Variants in RASEF observed in about 807,000 individuals in gnomAD.
RASEF encodes RAS and EF-hand domain containing.
RASEF carries 68 observed loss-of-function variants against 90.1 expected under a neutral mutation model. The observed-to-expected ratio is 0.75, with a 90% CI of 0.62 to 0.92. RASEF has a LOEUF of 0.92. Ranked by LOEUF, RASEF falls within the 40% of genes least tolerant of loss-of-function variation. The pLI is 0.00. For missense variants in RASEF, 949 were observed against 937.2 expected (o/e 1.01, Z -0.16); for synonymous variants, 331 against 345.2 (o/e 0.96, Z 0.46).
At chr9:82,997,966 T>C (rs1354264284) in intron 13 of RASEF, among the ~76,000 whole-genome samples, 1 of 152,208 alleles carries the variant, frequency 6.6e-6, no homozygotes, top group African/African-American at 2.4e-5. Context: ...AATGCAAGTC[T>C]GCTATGCGGT....
chr9:83,010,771 C>G (rs1391241341), intron 5 of RASEF, among the ~76,000 whole-genome samples: 1 of 152,100 alleles, frequency 6.6e-6, no homozygotes, highest in Non-Finnish European at 1.5e-5. Flanking sequence ...TAACTGGGGT[C>G]CCCTGCCAGC....
chr9:83,119,544 A>G, the RASEF span, among the ~76,000 whole-genome samples: 1 of 152,220 alleles, frequency 6.6e-6, no homozygotes, highest in Non-Finnish European at 1.5e-5. Flanking sequence ...CTTCCCCTCC[A>G]CATCAAGTAC....
At chr9:83,008,368 A>T (rs537036275) in intron 6 of RASEF, among the ~76,000 whole-genome samples, 1 of 151,916 alleles carries the variant, frequency 6.6e-6, no homozygotes, top group South Asian at 2.1e-4. Flanking sequence ...TTTTTTTTTT[A>T]AACTTTTGCT....
chr9:83,206,897 T>C, the RASEF span, among the ~76,000 whole-genome samples: 1 of 152,120 alleles, frequency 6.6e-6, no homozygotes. Flanking sequence ...TCCCCTCACC[T>C]TCCATGGCTG....
chr9:83,123,210 G>A, the RASEF span, among the ~76,000 whole-genome samples: 1 of 143,998 alleles, frequency 6.9e-6, no homozygotes, highest in East Asian at 2.2e-4. Flanking sequence ...TCTGCACTCT[G>A]GCCTGGGCTA....
chr9:83,017,595 CA>C (rs770160072), intron 3 of RASEF, among the ~76,000 whole-genome samples: 1 of 152,128 alleles, frequency 6.6e-6, no homozygotes, highest in Non-Finnish European at 1.5e-5. Context: ...GCTGAGAGAT[CA>C]GATAAGAGAT....
In RASEF at chr9:82,998,388, G is replaced by C; in HGVS notation, c.1782C>G (p.Leu594=). 1 of 1,613,014 alleles carries C rather than the reference G, an allele frequency of 6.2e-7. No individual in the cohort carries two copies. Among genetic ancestry groups the C allele is most frequent in the Non-Finnish European group, 8.5e-7 (1 of 1,179,028 alleles). Residue 594 remains leucine (L), a synonymous_variant, in exon 13 of 17, where the codon CTC becomes CTG. Transcript: ENST00000376447. ...GCCTCTCCTGACCAGCTGTATCCCAGAGCTGCAGAACTGTTCGTTCTCCAT... is the reference window on the plus strand; with the variant it reads ...GCCTCTCCTGACCAGCTGTATCCCACAGCTGCAGAACTGTTCGTTCTCCAT... ...IVDGERTVLQ[L]WDTAGQERFR...
the RASEF span, among the ~76,000 whole-genome samples, chr9:83,102,767 C>G: frequency 3.3e-5 from 5 of 152,270 alleles, no homozygotes; most frequent in African/African-American, 1.2e-4. Context: ...GGGGCCACCC[C>G]TTATTGTCTG....
At chr9:83,088,030 A>G in the RASEF span, among the ~76,000 whole-genome samples, 1 of 152,092 alleles carries the variant, frequency 6.6e-6, no homozygotes, top group Non-Finnish European at 1.5e-5. Context: ...TGTGTTATTT[A>G]ATTTCCACAT....
chr9:83,203,235 T>C, the RASEF span, among the ~76,000 whole-genome samples: 1 of 152,214 alleles, frequency 6.6e-6, no homozygotes, highest in African/African-American at 2.4e-5. Flanking sequence ...ACAGACTTGG[T>C]CTTGCCCTTG....
chr9:83,045,278 G>A (rs946846735), intron 1 of RASEF, among the ~76,000 whole-genome samples: 1 of 151,960 alleles, frequency 6.6e-6, no homozygotes, highest in African/African-American at 2.4e-5. Context: ...CTTTCATTGG[G>A]GCTAATCAAT....
At chr9:83,095,075 A>G in the RASEF span, among the ~76,000 whole-genome samples, 27 of 152,306 alleles carry the variant, frequency 1.8e-4, 1 homozygote, top group Non-Finnish European at 4.0e-4. Flanking sequence ...TGGTTTGAGA[A>G]TTTAAAAGGA....
chr9:83,135,758 G>A, the RASEF span, among the ~76,000 whole-genome samples: 2 of 152,090 alleles, frequency 1.3e-5, no homozygotes, highest in African/African-American at 4.8e-5. Context: ...TCTGTATGCA[G>A]GGAACCAATA....
At chr9:83,021,509 G>C (rs1392072313) in intron 3 of RASEF, among the ~76,000 whole-genome samples, 1 of 152,170 alleles carries the variant, frequency 6.6e-6, no homozygotes, top group Non-Finnish European at 1.5e-5. Context: ...ATCACTGAAG[G>C]TAACATATCA....
the RASEF span, among the ~76,000 whole-genome samples, chr9:83,217,391 A>C: frequency 6.6e-6 from 1 of 152,140 alleles, no homozygotes; most frequent in African/African-American, 2.4e-5. Context: ...ATTTGGGAGA[A>C]GCCAGGGGCA....
upstream of RASEF, among the ~76,000 whole-genome samples, chr9:83,066,343 C>T (rs796545701): frequency 9.8e-5 from 15 of 152,300 alleles, no homozygotes; most frequent in African/African-American, 3.6e-4. Context: ...TGTGACCTGC[C>T]ACTCATAAAT....
the RASEF span, among the ~76,000 whole-genome samples, chr9:83,177,000 G>T: frequency 6.6e-6 from 1 of 151,848 alleles, no homozygotes; most frequent in Non-Finnish European, 1.5e-5. Context: ...ACCATCTCTT[G>T]TCATTTTCTT....
At chr9:82,999,172 A>G (rs892342936) in intron 12 of RASEF, among the ~76,000 whole-genome samples, 6 of 149,334 alleles carry the variant, frequency 4.0e-5, no homozygotes, top group African/African-American at 1.2e-4. Flanking sequence ...GAAGAAAAAT[A>G]AATGATAATT....
intron 1 of RASEF, among the ~76,000 whole-genome samples, chr9:83,034,596 C>T (rs1352879258): frequency 6.6e-6 from 1 of 152,188 alleles, no homozygotes; most frequent in Non-Finnish European, 1.5e-5. Flanking sequence ...TTTTCAATCA[C>T]TGATATTTAG....
Sources: gnomAD v4.1 joint callset for allele counts (sites outside exome capture counted in the v4.1 genomes callset) on GRCh38, gnomAD v4.1.1 for gene constraint, MANE v1.5 for transcripts, NCBI Gene and HGNC (gene_info 2026-07-23, HGNC 2026-07-21) for gene names.